The following KLHDC1 variants were observed in gnomAD, a reference collection of about 807,000 sequenced individuals.
The protein encoded by KLHDC1 is kelch domain-containing protein 1.
KLHDC1 carries 53 observed loss-of-function variants against 68.3 expected under a neutral mutation model. That is an observed-to-expected ratio of 0.78 (90% CI 0.62 to 0.98). The LOEUF (loss-of-function observed/expected upper bound fraction) is 0.98. Ranked by LOEUF, KLHDC1 falls within the 50% of genes least tolerant of loss-of-function variation. The pLI, the probability that KLHDC1 is intolerant of heterozygous loss-of-function variation, is 0.00. For missense variants in KLHDC1, 470 were observed against 492.3 expected (o/e 0.95, Z 0.43); for synonymous variants, 148 against 159.0 (o/e 0.93, Z 0.52).
At chr14:49,730,222 G>GTTT (rs11340525) in intron 8 of KLHDC1, among the ~76,000 whole-genome samples, 1 of 98,940 alleles carries the variant, frequency 1.0e-5, no homozygotes, top group African/African-American at 3.3e-5. Context: ...ATATTTGCAG[G>GTTT]TTTTTTTTTT....
intron 4 of KLHDC1, among the ~76,000 whole-genome samples, chr14:49,718,848 C>T (rs1199809429): frequency 6.8e-5 from 9 of 133,016 alleles, no homozygotes; most frequent in Admixed American, 2.7e-4. Flanking sequence ...TGCAGTGGCG[C>T]GATCCTAGCT....
At chr14:49,709,655 A>G in intron 2 of KLHDC1, 54 bp from the exon 3 acceptor site, 1 of 983,772 alleles carries the variant, frequency 1.0e-6, no homozygotes, top group Non-Finnish European at 1.5e-6. Flanking sequence ...TTTAAAGAGA[A>G]TTTTAATTTG....
chr14:49,738,730 A>C (rs1003272699), intron 10 of KLHDC1, among the ~76,000 whole-genome samples: 6 of 152,136 alleles, frequency 3.9e-5, no homozygotes, highest in African/African-American at 1.4e-4. Flanking sequence ...AGAAGCCATA[A>C]AATTAGATTC....
At chr14:49,728,888 T>A in intron 6 of KLHDC1, 38 bp from the exon 7 acceptor site, 1 of 1,396,462 alleles carries the variant, frequency 7.2e-7, no homozygotes, top group Non-Finnish European at 1.0e-6. Flanking sequence ...TTACAGATAT[T>A]TCAAGTCTTT....
intron 1 of KLHDC1, among the ~76,000 whole-genome samples, chr14:49,693,986 A>C (rs1394396498): frequency 6.6e-6 from 1 of 151,554 alleles, no homozygotes; most frequent in Non-Finnish European, 1.5e-5. Flanking sequence ...TCGCGACCTC[A>C]GGTGATCCGC....
intron 1 of KLHDC1, among the ~76,000 whole-genome samples, chr14:49,703,882 T>C (rs1347962381): frequency 6.6e-6 from 1 of 152,126 alleles, no homozygotes; most frequent in African/African-American, 2.4e-5. Context: ...TATTTGAATG[T>C]TTCTAATTTT....
chr14:49,713,821 TATATATATATATA>T (rs1888281340), intron 4 of KLHDC1, among the ~76,000 whole-genome samples: 3 of 3,160 alleles, frequency 9.5e-4, no homozygotes, highest in Non-Finnish European at 2.1e-3. Context: ...TATATATATA[TATATATATATATA>T]TATATATATA....
chr14:49,699,161 CAAAAAAAA>C (rs34856234), intron 1 of KLHDC1, among the ~76,000 whole-genome samples: 2 of 107,806 alleles, frequency 1.9e-5, no homozygotes, highest in Admixed American at 2.0e-4. Flanking sequence ...AAGACTGTCT[CAAAAAAAA>C]AAAAAAAAAA....
Position 49,751,912 on chromosome 14 carries a change from C to T in KLHDC1, c.*140C>T. 1 of 420,432 alleles carries T rather than the reference C, an allele frequency of 2.4e-6. No individual in the cohort carries two copies. The highest frequency in any genetic ancestry group is 4.3e-6 in the Non-Finnish European group (1 of 232,572). The allele number at this position is 420,432 out of a possible 1,614,324, so 26.0% of individuals were successfully genotyped here. A position where few individuals can be genotyped will look rare whatever the true frequency, so the allele number is the denominator to read the frequency against. On this transcript the variant is annotated 3_prime_UTR_variant, in exon 13 of 13. Coordinates refer to ENST00000359332, the MANE Select transcript of KLHDC1 (RefSeq NM_172193.3). The stretch of plus-strand genomic sequence containing the variant: ...GTCACTCTGTTAAGTGACTATATGC[C>T]ATGGGATATATGGAAAAAAGATATT...
intron 1 of KLHDC1, among the ~76,000 whole-genome samples, chr14:49,696,960 G>A (rs1374779382): frequency 2.0e-5 from 3 of 149,434 alleles, no homozygotes; most frequent in Non-Finnish European, 3.0e-5. Flanking sequence ...TTTTTAAGAC[G>A]GAGTCTCGCT....
chr14:49,720,594 G>A (rs1244759198), intron 4 of KLHDC1, among the ~76,000 whole-genome samples: 2 of 151,766 alleles, frequency 1.3e-5, no homozygotes, highest in East Asian at 3.9e-4. Context: ...TGAGCTTCTT[G>A]GGTTTGTAGG....
rs1408329709 is a variant in KLHDC1, at chr14:49,709,801, A to G, written c.260A>G (p.Tyr87Cys). 3.8e-6 allele frequency: 6 copies of G among 1,594,732 alleles called. No homozygotes were observed. Among genetic ancestry groups the G allele is most frequent in the Middle Eastern group, 1.7e-4 (1 of 6,012 alleles). Residue 87 changes from tyrosine (Y) to cysteine (C), a missense_variant, in exon 3 of 13, where the codon TAT becomes TGT. Tyr to Cys is a radical substitution (Grantham distance 194). Transcript: ENST00000359332. ...INGKLYIFGG[Y>C]DDKGYSNRLY... Reference sequence around the variant, plus strand: ...GGAAAGCTGTACATTTTTGGAGGATATGATGACAAAGGATACAGCAATCGA... The same window carrying G: ...GGAAAGCTGTACATTTTTGGAGGATGTGATGACAAAGGATACAGCAATCGA...
chr14:49,694,690 C>T (rs1035763403), intron 1 of KLHDC1, among the ~76,000 whole-genome samples: 1 of 151,994 alleles, frequency 6.6e-6, no homozygotes, highest in Non-Finnish European at 1.5e-5. Context: ...CCCGTCTCTA[C>T]TAAAAACACA....
intron 1 of KLHDC1, among the ~76,000 whole-genome samples, chr14:49,699,223 C>A (rs1349723677): frequency 6.7e-6 from 1 of 149,788 alleles, no homozygotes; most frequent in Non-Finnish European, 1.5e-5. Context: ...TGAAATACTT[C>A]TTTTTCTCCT....
At chr14:49,696,422 C>A (rs1399189241) in intron 1 of KLHDC1, among the ~76,000 whole-genome samples, 2 of 152,176 alleles carry the variant, frequency 1.3e-5, no homozygotes, top group Non-Finnish European at 2.9e-5. Flanking sequence ...CTCAGAAGAT[C>A]TGCCCACTTT....
rs141231808 is a variant in KLHDC1 at position 49,725,689 on chromosome 14, G to C, written c.487G>C (p.Glu163Gln). ...ATTTAAAACATTTCTCTTTTAGGAAGAGCAGATATTCTGGGGATGGCATAA... is the reference window on the plus strand; with the variant it reads ...ATTTAAAACATTTCTCTTTTAGGAACAGCAGATATTCTGGGGATGGCATAA... ...CFDVHDASWEEQIFWGWHNDV... is the reference protein window; with the variant it reads ...CFDVHDASWEQQIFWGWHNDV... Residue 163 changes from glutamate to glutamine, a missense_variant, in exon 6 of 13, where the codon GAG becomes CAG. Physicochemically the swap from Glu to Gln is conservative, Grantham distance 29. Coordinates refer to ENST00000359332, the MANE Select transcript of KLHDC1 (RefSeq NM_172193.3). 1.8e-5 allele frequency: 24 copies of C among 1,335,028 alleles called. No individual in the cohort carries two copies. In the African/African-American group the frequency reaches 5.3e-4, roughly 29 times the overall value. The allele number at this position is 1,335,028 out of a possible 1,614,324, so 82.7% of individuals were successfully genotyped here.
rs189497706 is a variant in KLHDC1, at chr14:49,740,805, G to A, written c.981+623G>A. Among the ~76,000 whole-genome samples the A allele has an allele frequency of 5.3e-4, 81 of 152,164 alleles. 1 individual carries two copies. The East Asian group carries it at 0.013, about 25-fold the overall frequency. On this transcript the variant is annotated intron_variant, in intron 11 of 12. Coordinates refer to ENST00000359332, the MANE Select transcript of KLHDC1 (RefSeq NM_172193.3). Reference sequence around the variant, plus strand: ...CTAATATTATTGAATTAAAATATTTGTATGTAGGCTGGGTGTAGTTGCCCA... The same window carrying A: ...CTAATATTATTGAATTAAAATATTTATATGTAGGCTGGGTGTAGTTGCCCA...
At chr14:49,735,836 C>A (rs1053478532) in intron 10 of KLHDC1, among the ~76,000 whole-genome samples, 1 of 152,014 alleles carries the variant, frequency 6.6e-6, no homozygotes, top group Non-Finnish European at 1.5e-5. Context: ...CATAGTGAGA[C>A]CCCATTGCTA....
chr14:49,730,303 A>G (rs1888771039), intron 8 of KLHDC1, among the ~76,000 whole-genome samples: 2 of 414 alleles, frequency 4.8e-3, no homozygotes, highest in South Asian at 0.33. Flanking sequence ...GCTCACTGCA[A>G]CCTCGCCTCC....
Sources: allele counts gnomAD v4.1 joint callset (sites outside exome capture counted in the v4.1 genomes callset), GRCh38; gene constraint gnomAD v4.1.1; transcripts MANE v1.5; gene names NCBI Gene and HGNC (gene_info 2026-07-23, HGNC 2026-07-21).